Variants in TP53BP2 observed in about 807,000 individuals in gnomAD.
TP53BP2 encodes apoptosis-stimulating of p53 protein 2.
A neutral mutation model predicts 126.2 loss-of-function variants in TP53BP2; 62 were observed. That is an observed-to-expected ratio of 0.49 (90% confidence interval 0.40 to 0.61). The LOEUF is 0.61. Ranked by LOEUF, TP53BP2 falls within the 20% of genes least tolerant of loss-of-function variation. TP53BP2 has a pLI of 0.00. For synonymous variants in TP53BP2, 485 were observed against 502.9 expected, an observed-to-expected ratio of 0.96 and a Z score of 0.48; for missense variants, 1,215 against 1,402.8, an observed-to-expected ratio of 0.87 and a Z score of 2.14.
At chr1:223,782,607 C>T (rs1661811578) in intron 17 of TP53BP2, among the ~76,000 whole-genome samples, 1 of 152,148 alleles carries the variant, frequency 6.6e-6, no homozygotes, top group Non-Finnish European at 1.5e-5. Context: ...CTCAACCTCC[C>T]GAGTAGCTGG....
Position 223,790,730 on chromosome 1 carries a change from G to A in TP53BP2, c.2997-1556C>T, listed in dbSNP as rs545409927. ...GCAATCCTCCCACCTCAGCCTCCCC[G>A]GTAGCTGGGACTACAGGCACACACC... On this transcript the variant is annotated intron_variant, in intron 15 of 17. Coordinates refer to ENST00000343537, the MANE Select transcript of TP53BP2 (RefSeq NM_001031685.3). Among the ~76,000 whole-genome samples, 25 of 149,978 alleles carry A rather than the reference G, an allele frequency of 1.7e-4. No homozygotes were observed. The South Asian group carries it at 1.7e-3, about 10-fold the overall frequency.
chr1:223,800,324 C>T (rs1397062010), intron 10 of TP53BP2, among the ~76,000 whole-genome samples: 5 of 152,152 alleles, frequency 3.3e-5, no homozygotes, highest in South Asian at 2.1e-4. Context: ...CAGTGGCTCA[C>T]GCCTGTAATC....
intron 4 of TP53BP2, among the ~76,000 whole-genome samples, 188 bp from the exon 5 acceptor site, chr1:223,807,135 A>T (rs928530987): frequency 1.3e-5 from 2 of 152,220 alleles, no homozygotes; most frequent in African/African-American, 2.4e-5. Context: ...TTGACTTTTT[A>T]AGATGTAATG....
At chr1:223,782,989 G>T (rs1249270375) in intron 17 of TP53BP2, among the ~76,000 whole-genome samples, 1 of 152,172 alleles carries the variant, frequency 6.6e-6, no homozygotes, top group Non-Finnish European at 1.5e-5. Context: ...GAGTCAGGGA[G>T]AGATGCTGGT....
intron 1 of TP53BP2, among the ~76,000 whole-genome samples, chr1:223,844,022 TAA>T (rs1204559687): frequency 6.6e-6 from 1 of 152,082 alleles, no homozygotes; most frequent in Non-Finnish European, 1.5e-5. Flanking sequence ...CAAACCACCC[TAA>T]GAGCTGAGTA....
At chr1:223,845,151 C>A (rs1664222018) in intron 1 of TP53BP2, 1 of 709,918 alleles carries the variant, frequency 1.4e-6, no homozygotes, top group African/African-American at 1.9e-5. Flanking sequence ...TTTACCAAAA[C>A]CCCTTTCCAC....
At chr1:223,801,786 C>G (rs966036749) in intron 9 of TP53BP2, among the ~76,000 whole-genome samples, 2 of 151,994 alleles carry the variant, frequency 1.3e-5, no homozygotes, top group African/African-American at 2.4e-5. Context: ...TGTTTTTACC[C>G]AAAAAGAAAA....
At chr1:223,844,288 G>C (rs940420603) in intron 1 of TP53BP2, among the ~76,000 whole-genome samples, 1 of 152,154 alleles carries the variant, frequency 6.6e-6, no homozygotes, top group Non-Finnish European at 1.5e-5. Flanking sequence ...CTACACAACG[G>C]ATACCTTGGT....
At chr1:223,818,858 C>T (rs998240226) in intron 2 of TP53BP2, among the ~76,000 whole-genome samples, 2 of 150,654 alleles carry the variant, frequency 1.3e-5, no homozygotes, top group African/African-American at 2.4e-5. Flanking sequence ...GGATTATAGG[C>T]GTCAGCCACC....
chr1:223,832,629 G>C (rs904874917), intron 1 of TP53BP2, among the ~76,000 whole-genome samples: 4 of 152,164 alleles, frequency 2.6e-5, no homozygotes, highest in Non-Finnish European at 5.9e-5. Flanking sequence ...CTCATACACA[G>C]CCATTTAGCC....
chr1:223,782,809 G>A (rs1153943), intron 17 of TP53BP2, among the ~76,000 whole-genome samples: 1 of 151,904 alleles, frequency 6.6e-6, no homozygotes, highest in African/African-American at 2.4e-5. Context: ...TTCACTTTCA[G>A]TATTCTTTAA....
At chr1:223,830,941 C>CA (rs1383452442) in intron 1 of TP53BP2, among the ~76,000 whole-genome samples, 1 of 151,858 alleles carries the variant, frequency 6.6e-6, no homozygotes, top group Non-Finnish European at 1.5e-5. Flanking sequence ...ACTAAAAATA[C>CA]AAAAAAATTA....
chr1:223,834,713 C>T, intron 1 of TP53BP2: 1 of 576,698 alleles, frequency 1.7e-6, no homozygotes, highest in Non-Finnish European at 2.2e-6. Flanking sequence ...CTTCTCTCCC[C>T]AGAGTAGCTC....
chr1:223,819,682 T>G lies in TP53BP2; in HGVS notation c.175+1538A>C, dbSNP rs549476864. Among the ~76,000 whole-genome samples, 4 of 132,690 alleles carry G rather than the reference T, an allele frequency of 3.0e-5. No individual in the cohort carries two copies. In the East Asian group the frequency reaches 8.4e-4, roughly 28 times the overall value. The allele number at this position is 132,690 out of a possible 152,430, so 87.0% of individuals were successfully genotyped here. A position where few individuals can be genotyped will look rare whatever the true frequency, so the allele number is the denominator to read the frequency against. ...GCCTGGGCGACAGAGTGAGACTCCATCTCAAAAAAAGAAAAAAGAAAACTG... is the reference window on the plus strand; with the variant it reads ...GCCTGGGCGACAGAGTGAGACTCCAGCTCAAAAAAAGAAAAAAGAAAACTG... On this transcript the variant is annotated intron_variant, in intron 2 of 17. Coordinates refer to ENST00000343537, the MANE Select transcript of TP53BP2 (RefSeq NM_001031685.3).
chr1:223,795,223 C>G (rs971839827), intron 13 of TP53BP2, among the ~76,000 whole-genome samples: 1 of 152,158 alleles, frequency 6.6e-6, no homozygotes, highest in Non-Finnish European at 1.5e-5. Flanking sequence ...ACAAAGAAAT[C>G]TTAGGGATCA....
chr1:223,825,580 G>A (rs968965491), intron 1 of TP53BP2, among the ~76,000 whole-genome samples: 1 of 152,210 alleles, frequency 6.6e-6, no homozygotes, highest in Non-Finnish European at 1.5e-5. Flanking sequence ...AAATGAGAGA[G>A]TGTGTTGTCC....
intron 17 of TP53BP2, among the ~76,000 whole-genome samples, 156 bp from the exon 18 acceptor site, chr1:223,781,050 C>T (rs552634972): frequency 9.2e-5 from 14 of 152,286 alleles, no homozygotes; most frequent in African/African-American, 2.2e-4. Context: ...TAGAGCTTTA[C>T]GTTTAGCAAC....
At chr1:223,818,978 G>C (rs1318621629) in intron 2 of TP53BP2, among the ~76,000 whole-genome samples, 1 of 151,272 alleles carries the variant, frequency 6.6e-6, no homozygotes, top group Non-Finnish European at 1.5e-5. Flanking sequence ...GAGATAGGGA[G>C]TTCGAGACCA....
intron 12 of TP53BP2, among the ~76,000 whole-genome samples, chr1:223,797,054 T>C (rs1662349571): frequency 6.6e-6 from 1 of 152,224 alleles, no homozygotes; most frequent in African/African-American, 2.4e-5. Context: ...TTACCAAAGA[T>C]ATTCCCTGTT....
Sources: allele counts gnomAD v4.1 joint callset (sites outside exome capture counted in the v4.1 genomes callset), GRCh38; gene constraint gnomAD v4.1.1; transcripts MANE v1.5; gene names NCBI Gene and HGNC (gene_info 2026-07-23, HGNC 2026-07-21).